The following NRXN1 variants were observed in gnomAD, a reference collection of about 807,000 sequenced individuals.
NRXN1 encodes neurexin-1.
NRXN1 carries 39 observed loss-of-function variants against 150.9 expected under a neutral mutation model. That is an observed-to-expected ratio of 0.26 (90% CI 0.20 to 0.34). NRXN1 has a LOEUF of 0.34. Among genes scored for constraint, NRXN1 ranks in the 10% least tolerant of loss-of-function variants. The pLI is 1.00. For missense variants in NRXN1, 1,815 were observed against 1,949.9 expected (o/e 0.93, Z 1.30); for synonymous variants, 924 against 757.0 (o/e 1.22, Z -3.62).
At chr2:50,452,288 G>A (rs1342265505) in intron 17 of NRXN1, among the ~76,000 whole-genome samples, 1 of 152,160 alleles carries the variant, frequency 6.6e-6, no homozygotes, top group Non-Finnish European at 1.5e-5. Flanking sequence ...TACTGTGGCT[G>A]AGCTGTAGGC....
At chr2:50,595,256 A>G (rs1353366164) in intron 8 of NRXN1, among the ~76,000 whole-genome samples, 1 of 152,086 alleles carries the variant, frequency 6.6e-6, no homozygotes, top group African/African-American at 2.4e-5. Context: ...GACAGAAAAC[A>G]TATTCTGGGT....
chr2:50,753,090 C>A (rs1003955815), intron 5 of NRXN1, among the ~76,000 whole-genome samples: 3 of 151,736 alleles, frequency 2.0e-5, no homozygotes, highest in African/African-American at 4.8e-5. Flanking sequence ...ATTATTTAAT[C>A]TTGGTGTTAA....
At chr2:50,360,765 A>G (rs1384064095) in intron 17 of NRXN1, among the ~76,000 whole-genome samples, 2 of 152,190 alleles carry the variant, frequency 1.3e-5, no homozygotes, top group East Asian at 3.9e-4. Flanking sequence ...AAGCAGACCT[A>G]ATCGACATCT....
chr2:49,950,003 T>TAC (rs1342635519), intron 21 of NRXN1, among the ~76,000 whole-genome samples: 4 of 151,804 alleles, frequency 2.6e-5, no homozygotes, highest in African/African-American at 9.7e-5. Context: ...AAAAAAAATT[T>TAC]TAACAGGATT....
rs1232939041 is a variant in NRXN1 at position 50,265,995 on chromosome 2, ATTATTTATTTT to A, written c.3365-29036_3365-29026del. ...TATTATTATTATTATTATTATTATTATTATTTATTTTTTTTTTTTTTGAGATAGAGTCTCAC... is the reference window on the plus strand; with the variant it reads ...TATTATTATTATTATTATTATTATTATTTTTTTTTTGAGATAGAGTCTCAC... On this transcript the variant is annotated intron_variant, in intron 17 of 22. Transcript: ENST00000401669. Among the ~76,000 whole-genome samples, 204 of 76,804 alleles carry A rather than the reference ATTATTTATTTT, an allele frequency of 2.7e-3. 1 individual carries two copies. Among genetic ancestry groups the A allele is most frequent in the African/African-American group, 6.4e-3 (86 of 13,528 alleles). 50.4% of individuals were successfully genotyped at this position (76,804 alleles called of 152,430 possible).
chr2:50,842,765 C>A (rs1180779980), intron 5 of NRXN1, among the ~76,000 whole-genome samples: 1 of 152,134 alleles, frequency 6.6e-6, no homozygotes, highest in Non-Finnish European at 1.5e-5. Context: ...TCAATTATCA[C>A]ATTGGTATTA....
At chr2:50,202,324 G>A (rs1559082483) in intron 18 of NRXN1, among the ~76,000 whole-genome samples, 1 of 152,134 alleles carries the variant, frequency 6.6e-6, no homozygotes, top group South Asian at 2.1e-4. Context: ...GGCTAACACG[G>A]TGAAACCCCG....
intron 5 of NRXN1, among the ~76,000 whole-genome samples, chr2:50,832,756 T>G (rs1324066951): frequency 6.6e-6 from 1 of 152,202 alleles, no homozygotes; most frequent in African/African-American, 2.4e-5. Context: ...AGATTTCATA[T>G]ATTAAATGTT....
intron 21 of NRXN1, among the ~76,000 whole-genome samples, chr2:50,045,609 T>C (rs1691685563): frequency 6.6e-6 from 1 of 152,182 alleles, no homozygotes; most frequent in Non-Finnish European, 1.5e-5. Flanking sequence ...TAGGTATGTA[T>C]TGAAAATCAG....
chr2:50,149,744 C>G (rs1027744191), intron 18 of NRXN1, among the ~76,000 whole-genome samples: 9 of 151,264 alleles, frequency 5.9e-5, no homozygotes, highest in African/African-American at 2.2e-4. Context: ...TAATAAACAC[C>G]AAAAATGTTG....
chr2:50,565,619 C>T (rs1320556504), intron 8 of NRXN1, among the ~76,000 whole-genome samples: 1 of 151,784 alleles, frequency 6.6e-6, no homozygotes, highest in Non-Finnish European at 1.5e-5. Flanking sequence ...CTCAGTAGTA[C>T]AATAGGATGA....
chr2:50,909,968 C>A (rs563779028), intron 5 of NRXN1, among the ~76,000 whole-genome samples: 2 of 151,330 alleles, frequency 1.3e-5, no homozygotes, highest in African/African-American at 4.8e-5. Flanking sequence ...GCAAAAATTA[C>A]GACAAAATTA....
intron 21 of NRXN1, among the ~76,000 whole-genome samples, chr2:50,042,688 A>G (rs1258377363): frequency 0.011 from 1 of 90 alleles, no homozygotes; most frequent in Non-Finnish European, 0.026. Context: ...TGCTGAGCAT[A>G]CACACATTAA....
At chr2:50,052,075 G>A (rs575575232) in intron 21 of NRXN1, among the ~76,000 whole-genome samples, 1 of 151,882 alleles carries the variant, frequency 6.6e-6, no homozygotes, top group South Asian at 2.1e-4. Flanking sequence ...GTAAAAATCA[G>A]AGTCAATTTT....
At chr2:50,729,915 A>T (rs1697879030) in intron 5 of NRXN1, among the ~76,000 whole-genome samples, 1 of 152,210 alleles carries the variant, frequency 6.6e-6, no homozygotes, top group African/African-American at 2.4e-5. Flanking sequence ...TTCGCATGAC[A>T]GAGATGCCTA....
At chr2:50,492,894 T>C (rs1011510139) in intron 15 of NRXN1, among the ~76,000 whole-genome samples, 7 of 151,034 alleles carry the variant, frequency 4.6e-5, no homozygotes, top group African/African-American at 1.7e-4. Context: ...AATAATGGCA[T>C]CTCTATCAGT....
chr2:50,968,361 C>G (rs570000129), intron 2 of NRXN1, among the ~76,000 whole-genome samples: 1 of 152,222 alleles, frequency 6.6e-6, no homozygotes, highest in South Asian at 2.1e-4. Flanking sequence ...ACCCTGTGTA[C>G]TAACTTAATA....
intron 5 of NRXN1, among the ~76,000 whole-genome samples, chr2:50,876,663 G>A (rs974609912): frequency 6.6e-6 from 1 of 151,756 alleles, no homozygotes; most frequent in Non-Finnish European, 1.5e-5. Context: ...TAATTCTAAT[G>A]AGATCAAATA....
chr2:50,195,914 C>T (rs1343613945), intron 18 of NRXN1, among the ~76,000 whole-genome samples: 1 of 151,888 alleles, frequency 6.6e-6, no homozygotes, highest in Non-Finnish European at 1.5e-5. Context: ...GTAATATTGT[C>T]TGTACTTAAT....
Sources: allele counts gnomAD v4.1 joint callset (sites outside exome capture counted in the v4.1 genomes callset), GRCh38; gene constraint gnomAD v4.1.1; transcripts MANE v1.5; gene names NCBI Gene and HGNC (gene_info 2026-07-23, HGNC 2026-07-21).